The following WDR27 variants were observed in gnomAD, a reference collection of about 807,000 sequenced individuals.
The protein encoded by WDR27 is WD repeat-containing protein 27.
In WDR27, 100 loss-of-function variants were observed where a neutral mutation model predicts 114.4. The observed-to-expected ratio is 0.87, with a 90% CI of 0.74 to 1.03. The LOEUF is 1.03. Ranked by LOEUF, WDR27 falls within the 50% of genes least tolerant of loss-of-function variation. The pLI, the probability that WDR27 is intolerant of heterozygous loss-of-function variation, is 0.00. For synonymous variants in WDR27, 449 were observed against 423.1 expected (o/e 1.06, Z -0.75); for missense variants, 1,129 against 1,092.9 (o/e 1.03, Z -0.47).
At chr6:169,692,755 T>C (rs577321349) in intron 1 of WDR27, among the ~76,000 whole-genome samples, 1 of 151,912 alleles carries the variant, frequency 6.6e-6, no homozygotes, top group East Asian at 1.9e-4. Context: ...CACTCCCACG[T>C]CTCCCACAGC....
At chr6:169,651,204 T>TGGGGGGGGGGGGGGGG (rs1822445294) in intron 14 of WDR27, among the ~76,000 whole-genome samples, 1 of 15,084 alleles carries the variant, frequency 6.6e-5, no homozygotes, top group Non-Finnish European at 1.1e-4. Context: ...AGTGGGGGAG[T>TGGGGGGGGGGGGGGGG]GGGGGAGTGG....
chr6:169,566,388 G>A (rs1401522599), intron 25 of WDR27, among the ~76,000 whole-genome samples: 2 of 152,196 alleles, frequency 1.3e-5, no homozygotes, highest in Non-Finnish European at 2.9e-5. Context: ...ACCCACAGAG[G>A]GGCCGGCCCT....
At chr6:169,575,904 T>A (rs2128132600) in intron 24 of WDR27, among the ~76,000 whole-genome samples, 1 of 152,334 alleles carries the variant, frequency 6.6e-6, no homozygotes, top group East Asian at 1.9e-4. Context: ...CAAATGTTAG[T>A]GAAGGGATAA....
chr6:169,523,580 G>A lies in WDR27; in HGVS notation c.2645+48839C>T, dbSNP rs548567640. On this transcript the variant is annotated intron_variant, in intron 25 of 25. Transcript: ENST00000448612. ...ACCAAATTCAACAACCCATTAAAAA[G>A]ATCATTCACTGTGGTCAGGTGGGAT... 2.5e-3 allele frequency among the ~76,000 whole-genome samples: 380 copies of A among 152,144 alleles called. 3 individuals carry two copies. Among genetic ancestry groups the A allele is most frequent in the African/African-American group, 8.2e-3 (340 of 41,532 alleles).
chr6:169,633,990 A>C (rs886214047), intron 20 of WDR27, among the ~76,000 whole-genome samples: 3 of 152,198 alleles, frequency 2.0e-5, no homozygotes, highest in Non-Finnish European at 2.9e-5. Context: ...AATAAATTAA[A>C]ATCAACTTTG....
intron 2 of WDR27, among the ~76,000 whole-genome samples, chr6:169,674,695 A>G (rs148810358): frequency 1.3e-5 from 2 of 152,326 alleles, no homozygotes; most frequent in East Asian, 1.9e-4. Flanking sequence ...GATGAAAACC[A>G]TAAACCCGTA....
chr6:169,594,049 C>T (rs957266639), intron 23 of WDR27, among the ~76,000 whole-genome samples: 4 of 152,034 alleles, frequency 2.6e-5, no homozygotes, highest in Admixed American at 2.6e-4. Flanking sequence ...CTTTTAAAAA[C>T]GTCTGTGATA....
chr6:169,598,743 G>C (rs1284834755), intron 23 of WDR27, among the ~76,000 whole-genome samples: 1 of 152,224 alleles, frequency 6.6e-6, no homozygotes, highest in East Asian at 1.9e-4. Context: ...GGAAGCGTGA[G>C]GGGTTCCTCC....
chr6:169,516,742 A>G (rs563523306), intron 25 of WDR27, among the ~76,000 whole-genome samples: 2 of 149,066 alleles, frequency 1.3e-5, no homozygotes, highest in African/African-American at 4.9e-5. Flanking sequence ...AATGATGGGT[A>G]AGACAGAACT....
chr6:169,585,623 TAATAC>T (rs1804392346), intron 23 of WDR27, among the ~76,000 whole-genome samples: 1 of 152,194 alleles, frequency 6.6e-6, no homozygotes, highest in African/African-American at 2.4e-5. Flanking sequence ...CTATATGTAT[TAATAC>T]TTTATTCTTA....
At chr6:169,648,711 C>T (rs1821452422) in intron 15 of WDR27, among the ~76,000 whole-genome samples, 1 of 152,202 alleles carries the variant, frequency 6.6e-6, no homozygotes, top group African/African-American at 2.4e-5. Context: ...TGGGAGGGAC[C>T]CTAGATGTCC....
At chr6:169,691,721 A>G (rs979521472) in intron 1 of WDR27, among the ~76,000 whole-genome samples, 1 of 152,238 alleles carries the variant, frequency 6.6e-6, no homozygotes, top group African/African-American at 2.4e-5. Context: ...TTTACAAATA[A>G]TAGTACTTGT....
intron 7 of WDR27, chr6:169,664,766 T>A: frequency 1.0e-6 from 1 of 994,658 alleles, no homozygotes; most frequent in Non-Finnish European, 1.2e-6. Flanking sequence ...CTTAAAAGGC[T>A]CACCTAAAAA....
rs148934854 is a variant in WDR27, at chr6:169,457,973, CGGAGGAGGAGGAGGAGGA to C, written c.2646-357_2646-340del. Among the ~76,000 whole-genome samples, 3 of 111,792 alleles carry C rather than the reference CGGAGGAGGAGGAGGAGGA, an allele frequency of 2.7e-5. No individual in the cohort carries two copies. In the East Asian group the frequency reaches 6.7e-4, roughly 25 times the overall value. The allele number at this position is 111,792 out of a possible 152,430, so 73.3% of individuals were successfully genotyped here. A position where few individuals can be genotyped will look rare whatever the true frequency, so the allele number is the denominator to read the frequency against. Reference sequence around the variant, plus strand: ...GCTGGCCGCAGGAGAGCACTCCTGACGGAGGAGGAGGAGGAGGAGGAGGAGGAGGAGGAGGTGGTGGTG... The same window carrying C: ...GCTGGCCGCAGGAGAGCACTCCTGACGGAGGAGGAGGAGGAGGTGGTGGTG... On this transcript the variant is annotated intron_variant, in intron 25 of 25. Coordinates refer to ENST00000448612, the MANE Select transcript of WDR27 (RefSeq NM_182552.5).
intron 3 of WDR27, 65 bp from the exon 4 acceptor site, chr6:169,670,758 A>C: frequency 6.3e-7 from 1 of 1,585,148 alleles, no homozygotes; most frequent in Non-Finnish European, 8.6e-7. Flanking sequence ...TAATCTGAGA[A>C]AAGTACTGAG....
chr6:169,478,260 T>C (rs1415251416), intron 25 of WDR27, among the ~76,000 whole-genome samples: 1 of 152,200 alleles, frequency 6.6e-6, no homozygotes, highest in Admixed American at 6.5e-5. Flanking sequence ...TTGCCATATA[T>C]AAATTATATA....
intron 25 of WDR27, among the ~76,000 whole-genome samples, chr6:169,548,828 G>A (rs1797762430): frequency 6.6e-6 from 1 of 152,160 alleles, no homozygotes; most frequent in South Asian, 2.1e-4. Flanking sequence ...TGGTGCTATA[G>A]AACAACTGGA....
chr6:169,462,363 G>C (rs1216740562), intron 25 of WDR27, among the ~76,000 whole-genome samples: 1 of 151,992 alleles, frequency 6.6e-6, no homozygotes, highest in African/African-American at 2.4e-5. Flanking sequence ...CTTGAACCTG[G>C]GAGGTGGAGG....
intron 25 of WDR27, among the ~76,000 whole-genome samples, chr6:169,502,739 C>T (rs570818817): frequency 6.6e-6 from 1 of 152,268 alleles, no homozygotes; most frequent in East Asian, 1.9e-4. Flanking sequence ...CTCTCCTCAT[C>T]TCCAGGTCAG....
Sources: allele counts gnomAD v4.1 joint callset (sites outside exome capture counted in the v4.1 genomes callset), GRCh38; gene constraint gnomAD v4.1.1; transcripts MANE v1.5; gene names NCBI Gene and HGNC (gene_info 2026-07-23, HGNC 2026-07-21).